The following KCNT2 variants were observed in gnomAD, a reference collection of about 807,000 sequenced individuals.
The protein encoded by KCNT2 is potassium channel subfamily T member 2.
In KCNT2, 67 loss-of-function variants were observed where a neutral mutation model predicts 153.8. That is an observed-to-expected ratio of 0.44 (90% CI 0.36 to 0.53). The LOEUF is 0.53. KCNT2 is among the 20% of genes least tolerant of loss of function. The probability of loss-of-function intolerance (pLI) is 0.00; values close to 1 mark genes in which losing one functional copy is unlikely to be tolerated. For missense variants in KCNT2, 975 were observed against 1,354.8 expected (o/e 0.72, Z 4.40); for synonymous variants, 500 against 458.8 (o/e 1.09, Z -1.15).
chr1:196,399,878 T>C (rs1671262904), intron 12 of KCNT2, among the ~76,000 whole-genome samples: 1 of 151,794 alleles, frequency 6.6e-6, no homozygotes, highest in African/African-American at 2.4e-5. Flanking sequence ...GACAACAATC[T>C]AGGAACCAGG....
intron 1 of KCNT2, among the ~76,000 whole-genome samples, chr1:196,523,350 A>T (rs1251666858): frequency 6.6e-6 from 1 of 152,236 alleles, no homozygotes; most frequent in African/African-American, 2.4e-5. Flanking sequence ...TCTTGAAGTC[A>T]GCAAGACCAA....
Position 196,228,124 on chromosome 1 carries a change from A to G in KCNT2, c.*100T>C. On this transcript the variant is annotated 3_prime_UTR_variant, in exon 28 of 28. Coordinates refer to ENST00000294725, the MANE Select transcript of KCNT2 (RefSeq NM_198503.5). ...AAGAGATTACGTTTTTAAATATGAG[A>G]GAATTACATATATTTCCATCTAGTT... The G allele has an allele frequency of 1.5e-6, 1 of 654,164 alleles. No individual in the cohort carries two copies. Among genetic ancestry groups the G allele is most frequent in the East Asian group, 2.7e-5 (1 of 36,454 alleles). The allele number at this position is 654,164 out of a possible 1,614,324, so 40.5% of individuals were successfully genotyped here.
intron 26 of KCNT2, among the ~76,000 whole-genome samples, chr1:196,252,968 C>G (rs1021728469): frequency 6.6e-6 from 1 of 151,018 alleles, no homozygotes; most frequent in Non-Finnish European, 1.5e-5. Flanking sequence ...TCCTCTAGCC[C>G]TTTTGAAACA....
At chr1:196,427,891 C>A (rs564011179) in intron 10 of KCNT2, among the ~76,000 whole-genome samples, 2 of 152,030 alleles carry the variant, frequency 1.3e-5, no homozygotes, top group East Asian at 1.9e-4. Context: ...TGTCTTTCAG[C>A]GTAGATACAG....
intron 21 of KCNT2, among the ~76,000 whole-genome samples, chr1:196,315,376 A>G (rs1194470940): frequency 6.6e-6 from 1 of 151,678 alleles, no homozygotes; most frequent in Non-Finnish European, 1.5e-5. Flanking sequence ...ATGGGGATTC[A>G]TATCCCCATT....
chr1:196,353,308 C>T (rs1666898528), intron 14 of KCNT2, among the ~76,000 whole-genome samples: 1 of 151,920 alleles, frequency 6.6e-6, no homozygotes, highest in South Asian at 2.1e-4. Context: ...CCTCATCTCA[C>T]TGGGCTGGGG....
At chr1:196,294,875 T>G (rs1660539078) in intron 22 of KCNT2, among the ~76,000 whole-genome samples, 1 of 151,102 alleles carries the variant, frequency 6.6e-6, no homozygotes, top group South Asian at 2.1e-4. Flanking sequence ...TAGTAGAGAG[T>G]ACAATGATGG....
chr1:196,311,693 G>A (rs545207990), intron 21 of KCNT2, among the ~76,000 whole-genome samples: 1 of 151,704 alleles, frequency 6.6e-6, no homozygotes, highest in East Asian at 2.0e-4. Context: ...CCTAGGTAAA[G>A]TTCTCTTGTC....
chr1:196,282,779 A>G lies in KCNT2; in HGVS notation c.2698-423T>C, dbSNP rs192574236. Among the ~76,000 whole-genome samples, 751 of 152,364 alleles carry G rather than the reference A, an allele frequency of 4.9e-3. 8 individuals carry two copies. Among genetic ancestry groups the G allele is most frequent in the Middle Eastern group, 0.024 (7 of 294 alleles). ...AGCTAGTGAAGTAAATTTCTAAACT[A>G]TATTTATCATTTATTATTGCATATT... On this transcript the variant is annotated intron_variant, in intron 23 of 27. Transcript: ENST00000294725.
chr1:196,561,678 G>GAAAAAAAAAAAAAAAAAA (rs1659427672), intron 1 of KCNT2, among the ~76,000 whole-genome samples: 4 of 45,474 alleles, frequency 8.8e-5, no homozygotes, highest in Non-Finnish European at 1.6e-4. Flanking sequence ...AAAAAAAAAA[G>GAAAAAAAAAAAAAAAAAA]AAGAAGAAGA....
intron 1 of KCNT2, among the ~76,000 whole-genome samples, chr1:196,528,068 C>A (rs1053640734): frequency 2.0e-5 from 3 of 152,204 alleles, no homozygotes; most frequent in Admixed American, 6.5e-5. Flanking sequence ...TGACCCATGT[C>A]TATTACACAA....
At chr1:196,370,894 T>C (rs1282972032) in intron 14 of KCNT2, among the ~76,000 whole-genome samples, 1 of 152,080 alleles carries the variant, frequency 6.6e-6, no homozygotes, top group Admixed American at 6.6e-5. Context: ...TGGTGCATAT[T>C]ACAATATGAA....
intron 26 of KCNT2, chr1:196,257,161 G>A (rs1206561125): frequency 1.2e-6 from 1 of 814,738 alleles, no homozygotes; most frequent in East Asian, 1.3e-4. Flanking sequence ...TATCAAATCA[G>A]GGTTATAAAG....
At position 196,469,031 on chromosome 1, in the gene KCNT2, A is replaced by G. The variant is rs778428138; in HGVS notation, c.422T>C (p.Ile141Thr). ...IWEQILRIPFILEIINAVPFI... is the reference protein window; with the variant it reads ...IWEQILRIPFTLEIINAVPFI... ...GGGAACTGCATTAATTATTTCCAAG[A>G]TGAAGGGTATTCGTAAAATCTGTTC... The change falls in exon 6 of 28, where the codon ATC becomes ACC. Residue 141 changes from isoleucine to threonine, a missense_variant. Around this residue, in one of 6 missense-constraint regions of KCNT2, gnomAD observed 140 missense variants for 216.0 expected, o/e 0.65. Coordinates refer to ENST00000294725, the MANE Select transcript of KCNT2 (RefSeq NM_198503.5). 3 of 1,602,874 alleles carry G rather than the reference A, an allele frequency of 1.9e-6. No homozygotes were observed. In the South Asian group the frequency reaches 3.3e-5, roughly 18 times the overall value.
At chr1:196,572,578 C>T (rs1660904284) in intron 1 of KCNT2, among the ~76,000 whole-genome samples, 1 of 152,054 alleles carries the variant, frequency 6.6e-6, no homozygotes, top group Admixed American at 6.6e-5. Context: ...TTCACTATCA[C>T]CACTTTGGGT....
At chr1:196,602,791 T>G (rs1226298007) in intron 1 of KCNT2, among the ~76,000 whole-genome samples, 1 of 138,138 alleles carries the variant, frequency 7.2e-6, no homozygotes, top group African/African-American at 2.7e-5. Flanking sequence ...TTTTTTTTTT[T>G]TTTTTTGAGA....
intron 1 of KCNT2, among the ~76,000 whole-genome samples, chr1:196,549,622 T>C (rs1657621492): frequency 1.3e-5 from 2 of 151,884 alleles, no homozygotes; most frequent in African/African-American, 4.8e-5. Flanking sequence ...GGAGTGTTTA[T>C]TAAACATGGA....
chr1:196,343,615 T>C (rs1474371668), intron 14 of KCNT2, among the ~76,000 whole-genome samples: 1 of 152,152 alleles, frequency 6.6e-6, no homozygotes, highest in African/African-American at 2.4e-5. Context: ...AAATTGTCAA[T>C]AAGCTTTAAA....
chr1:196,332,286 C>T (rs2148108999), intron 17 of KCNT2, among the ~76,000 whole-genome samples: 1 of 152,084 alleles, frequency 6.6e-6, no homozygotes, highest in East Asian at 1.9e-4. Flanking sequence ...AAATCTTTTA[C>T]CTCTCAATTT....
Sources: gnomAD v4.1 joint callset for allele counts (sites outside exome capture counted in the v4.1 genomes callset) on GRCh38, gnomAD v4.1.1 for gene constraint, gnomAD v4.1.1 regional missense constraint, MANE v1.5 for transcripts, NCBI Gene and HGNC (gene_info 2026-07-23, HGNC 2026-07-21) for gene names.